Variants in ST3GAL4 observed in about 807,000 individuals in gnomAD.
ST3GAL4 encodes the protein CMP-N-acetylneuraminate-beta-galactosamide-alpha-2,3-sialyltransferase 4.
ST3GAL4 carries 24 observed loss-of-function variants against 42.6 expected under a neutral mutation model. The observed-to-expected ratio is 0.56, with a 90% CI of 0.41 to 0.79. The LOEUF (loss-of-function observed/expected upper bound fraction) is 0.79. Ranked by LOEUF, ST3GAL4 falls within the 30% of genes least tolerant of loss-of-function variation. The probability of loss-of-function intolerance (pLI) is 0.00; values close to 1 mark genes in which losing one functional copy is unlikely to be tolerated. For missense variants in ST3GAL4, 311 were observed against 430.8 expected, an observed-to-expected ratio of 0.72 and a Z score of 2.46; for synonymous variants, 135 against 163.2, an observed-to-expected ratio of 0.83 and a Z score of 1.32.
At chr11:126,389,786 T>C (rs745379656) in intron 1 of ST3GAL4, among the ~76,000 whole-genome samples, 1 of 152,114 alleles carries the variant, frequency 6.6e-6, no homozygotes, top group African/African-American at 2.4e-5. Flanking sequence ...GAAATCTTGC[T>C]ATGTTATCCA....
intron 1 of ST3GAL4, among the ~76,000 whole-genome samples, chr11:126,370,484 A>G (rs1050713150): frequency 1.3e-5 from 2 of 152,176 alleles, no homozygotes; most frequent in Admixed American, 6.5e-5. Flanking sequence ...GTAGACTTGC[A>G]TGAGTATGTT....
intron 1 of ST3GAL4, among the ~76,000 whole-genome samples, chr11:126,371,822 G>A (rs1489565005): frequency 6.6e-6 from 1 of 152,242 alleles, no homozygotes; most frequent in Non-Finnish European, 1.5e-5. Flanking sequence ...AGGTATGCAC[G>A]TGTTCAGCCT....
At position 126,407,343 on chromosome 11, in the gene ST3GAL4, G is replaced by A. The variant is rs1488134186; in HGVS notation, c.274G>A (p.Gly92Arg). Residue 92 changes from glycine (G) to arginine (R), a missense_variant, in exon 5 of 11, where the codon GGG (glycine) becomes AGG (arginine). Physicochemically the swap from Gly to Arg is moderately radical, Grantham distance 125. Transcript: ENST00000444328. ...SAYELPYGTK[G>R]SEDLLLRVLA... ...TTACGAGCTGCCCTATGGGACCAAG[G>A]GGAGTGGTAAGTTCCTACCCGGCTC... is the stretch of plus-strand genomic sequence containing the variant. The A allele has an allele frequency of 2.5e-6, 4 of 1,614,026 alleles. No homozygotes were observed. In the African/African-American group the frequency reaches 4.0e-5, roughly 16 times the overall value.
intron 9 of ST3GAL4, 67 bp from the exon 10 acceptor site, chr11:126,413,438 G>A (rs1240601157): frequency 6.3e-7 from 1 of 1,585,738 alleles, no homozygotes; most frequent in African/African-American, 1.3e-5. Context: ...CCACTGCAGA[G>A]CGCTGGCAGA....
At position 126,397,645 on chromosome 11, in the gene ST3GAL4, G is replaced by C. The variant is rs1953836775; in HGVS notation, c.-60-8451G>C. On this transcript the variant is annotated intron_variant, in intron 1 of 10. Coordinates refer to ENST00000444328, the MANE Select transcript of ST3GAL4 (RefSeq NM_001254757.2). The surrounding 1 kb of genome is among the most constrained non-coding windows in gnomAD (Gnocchi z 5.0). Reference sequence around the variant, plus strand: ...TGTTTTGTGCTGCCATTACCACCAAGTAGGTAATTTATAAGGAGCAGAAGT... The same window carrying C: ...TGTTTTGTGCTGCCATTACCACCAACTAGGTAATTTATAAGGAGCAGAAGT... Among the ~76,000 whole-genome samples the C allele has an allele frequency of 6.6e-6, 1 of 152,182 alleles. No individual in the cohort carries two copies. The highest frequency in any genetic ancestry group is 2.1e-4 in the South Asian group (1 of 4,830).
At chr11:126,374,931 T>G (rs1183464420) in intron 1 of ST3GAL4, 1 of 151,980 alleles carries the variant, frequency 6.6e-6, no homozygotes, top group Non-Finnish European at 1.5e-5. Flanking sequence ...CAGTCCAGCT[T>G]GAGTCCCCTC....
In ST3GAL4 at chr11:126,379,422, TATC is replaced by T. The variant is rs1214675506; in HGVS notation, c.-61+23584_-61+23586del. Among the ~76,000 whole-genome samples the T allele has an allele frequency of 6.6e-6, 1 of 152,206 alleles. No individual in the cohort carries two copies. Among genetic ancestry groups the T allele is most frequent in the Non-Finnish European group, 1.5e-5 (1 of 68,032 alleles). On this transcript the variant is annotated intron_variant, in intron 1 of 10. Transcript: ENST00000444328. This position sits in a 1 kb window ranked among gnomAD's most constrained non-coding sequence, Gnocchi z 4.2. ...TGGGAAAGCTGTGTCTATTTCATGA[TATC>T]ATCTACTTTTATGGAAGGATTTCTC... is the stretch of plus-strand genomic sequence containing the variant.
chr11:126,357,488 G>A (rs1480078451), intron 1 of ST3GAL4, among the ~76,000 whole-genome samples: 1 of 152,112 alleles, frequency 6.6e-6, no homozygotes, highest in Non-Finnish European at 1.5e-5. Context: ...GTGAGCTGGC[G>A]GCCCAGGCTG....
chr11:126,364,128 A>ATG (rs1952348613), intron 1 of ST3GAL4, among the ~76,000 whole-genome samples: 2 of 152,252 alleles, frequency 1.3e-5, no homozygotes, highest in Non-Finnish European at 2.9e-5. Context: ...CTGCCAAGGC[A>ATG]GAGGGAATGG....
chr11:126,360,509 C>T (rs1952209973), intron 1 of ST3GAL4, among the ~76,000 whole-genome samples: 1 of 152,166 alleles, frequency 6.6e-6, no homozygotes, highest in Non-Finnish European at 1.5e-5. Flanking sequence ...CTGCAACCTC[C>T]ATCTTCTGGT....
intron 1 of ST3GAL4, among the ~76,000 whole-genome samples, chr11:126,370,375 A>G (rs979000645): frequency 2.0e-5 from 3 of 152,202 alleles, no homozygotes; most frequent in Non-Finnish European, 4.4e-5. Flanking sequence ...ATGTAGATAA[A>G]TGTCTTATGT....
chr11:126,395,402 C>A (rs1334699890), intron 1 of ST3GAL4, among the ~76,000 whole-genome samples: 36 of 152,050 alleles, frequency 2.4e-4, no homozygotes, highest in Non-Finnish European at 4.6e-4. Context: ...ATAGCCAGGC[C>A]CATGTCTACA....
In ST3GAL4 at chr11:126,398,299, C is replaced by T. The variant is rs1432164370; in HGVS notation, c.-60-7797C>T. 1.3e-5 allele frequency among the ~76,000 whole-genome samples: 2 copies of T among 152,250 alleles called. No homozygotes were observed. The highest frequency in any genetic ancestry group is 4.8e-5 in the African/African-American group (2 of 41,454). On this transcript the variant is annotated intron_variant, in intron 1 of 10. Coordinates refer to ENST00000444328, the MANE Select transcript of ST3GAL4 (RefSeq NM_001254757.2). The surrounding 1 kb of genome is among the most constrained non-coding windows in gnomAD (Gnocchi z 4.7). ...GGCAAGAAGAAAGGGGCAACTGGTCCAGACAACTCCAGAACCCAGCAGGGG... is the reference window on the plus strand; with the variant it reads ...GGCAAGAAGAAAGGGGCAACTGGTCTAGACAACTCCAGAACCCAGCAGGGG...
chr11:126,391,932 TGGTC>T lies in ST3GAL4; in HGVS notation c.-60-14162_-60-14159del. Among the ~76,000 whole-genome samples, 1 of 140,198 alleles carries T rather than the reference TGGTC, an allele frequency of 7.1e-6. No individual in the cohort carries two copies. Among genetic ancestry groups the T allele is most frequent in the Middle Eastern group, 3.5e-3 (1 of 288 alleles). 92.0% of individuals were successfully genotyped at this position (140,198 alleles called of 152,430 possible). A position where few individuals can be genotyped will look rare whatever the true frequency, so the allele number is the denominator to read the frequency against. ...GAGGCTCAGAACACCTGTGATAACTTGGTCGTGTGTGTGTGTGTGTGTGTGTGTG... is the reference window on the plus strand; with the variant it reads ...GAGGCTCAGAACACCTGTGATAACTTGTGTGTGTGTGTGTGTGTGTGTGTG... On this transcript the variant is annotated intron_variant, in intron 1 of 10. Coordinates refer to ENST00000444328, the MANE Select transcript of ST3GAL4 (RefSeq NM_001254757.2). The surrounding 1 kb of genome is among the most constrained non-coding windows in gnomAD (Gnocchi z 5.5).
At position 126,383,882 on chromosome 11, in the gene ST3GAL4, C is replaced by T. The variant is rs1953109129; in HGVS notation, c.-60-22214C>T. 2.0e-5 allele frequency among the ~76,000 whole-genome samples: 3 copies of T among 152,256 alleles called. No homozygotes were observed. The South Asian group carries it at 6.2e-4, about 32-fold the overall frequency. On this transcript the variant is annotated intron_variant, in intron 1 of 10. Transcript: ENST00000444328. The surrounding 1 kb of genome is among the most constrained non-coding windows in gnomAD (Gnocchi z 4.5). ...CCCACCTTTACTCTGAGGGGGTGGGCTTCCTGCGGGGGACAAACTGGAGAG... is the reference window on the plus strand; with the variant it reads ...CCCACCTTTACTCTGAGGGGGTGGGTTTCCTGCGGGGGACAAACTGGAGAG...
intron 1 of ST3GAL4, among the ~76,000 whole-genome samples, chr11:126,402,662 G>C (rs1954058143): frequency 6.6e-6 from 1 of 152,176 alleles, no homozygotes; most frequent in African/African-American, 2.4e-5. Flanking sequence ...GGCATATCTA[G>C]TTCTGCCCCA....
chr11:126,361,616 C>T (rs530499002), intron 1 of ST3GAL4, among the ~76,000 whole-genome samples: 2 of 152,230 alleles, frequency 1.3e-5, no homozygotes, highest in African/African-American at 4.8e-5. Context: ...CCTCCCCCTG[C>T]GTTCTCCACT....
At chr11:126,371,234 G>C (rs190947524) in intron 1 of ST3GAL4, among the ~76,000 whole-genome samples, 3 of 135,670 alleles carry the variant, frequency 2.2e-5, no homozygotes, top group Non-Finnish European at 4.6e-5. Context: ...GCGCGATCTC[G>C]GCTCACTGCA....
intron 1 of ST3GAL4, among the ~76,000 whole-genome samples, chr11:126,402,144 G>A (rs933567550): frequency 7.9e-5 from 12 of 151,898 alleles, no homozygotes; most frequent in South Asian, 4.2e-4. Flanking sequence ...AGGGGCTCCA[G>A]GTTTTCCCTA....
Sources: gnomAD v4.1 joint callset for allele counts (sites outside exome capture counted in the v4.1 genomes callset) on GRCh38, gnomAD v4.1.1 for gene constraint, Gnocchi (gnomAD v3.1) non-coding constraint, MANE v1.5 for transcripts, NCBI Gene and HGNC (gene_info 2026-07-23, HGNC 2026-07-21) for gene names.